The following MAP3K7 variants were observed in gnomAD, a reference collection of about 807,000 sequenced individuals.
MAP3K7 encodes TGF-beta activated kinase 1.
Under a neutral mutation model 84.8 loss-of-function variants are expected in MAP3K7, and 21 were observed. The ratio of observed to expected loss-of-function variants is 0.25; its 90% CI spans 0.18 to 0.36. MAP3K7 has a LOEUF of 0.36. Ranked by LOEUF, MAP3K7 falls within the 10% of genes least tolerant of loss-of-function variation. MAP3K7 has a pLI of 1.00. For missense variants in MAP3K7, 503 were observed against 747.7 expected, an observed-to-expected ratio of 0.67 and a Z score of 3.82; for synonymous variants, 241 against 247.7, an observed-to-expected ratio of 0.97 and a Z score of 0.25.
chr6:90,558,485 T>C (rs1776406740), intron 5 of MAP3K7, among the ~76,000 whole-genome samples: 1 of 152,162 alleles, frequency 6.6e-6, no homozygotes, highest in Non-Finnish European at 1.5e-5. Flanking sequence ...CCAACTTGTA[T>C]ACCAGGGGCT....
At chr6:90,579,431 A>G (rs1777192782) in intron 1 of MAP3K7, among the ~76,000 whole-genome samples, 1 of 152,100 alleles carries the variant, frequency 6.6e-6, no homozygotes, top group Non-Finnish European at 1.5e-5. Flanking sequence ...GCTACTTTCC[A>G]GGGTTCTGTC....
chr6:90,523,821 T>A (rs779909866), intron 13 of MAP3K7, 38 bp from the exon 14 acceptor site: 1 of 1,221,894 alleles, frequency 8.2e-7, no homozygotes, highest in South Asian at 1.2e-5. Context: ...AAATGTGATT[T>A]TTTGATTAAA....
Position 90,547,262 on chromosome 6 carries a change from G to A in MAP3K7, c.1206C>T (p.Thr402=). 6.2e-7 allele frequency: 1 copy of A among 1,613,262 alleles called. No homozygotes were observed. Among genetic ancestry groups the A allele is most frequent in the Non-Finnish European group, 8.5e-7 (1 of 1,179,580 alleles). The change falls in exon 11 of 17, where the codon ACC becomes ACT. Residue 402 remains threonine, a synonymous_variant. Transcript: ENST00000369329. ...MSEIEARIAA[T]TAYSKPKRGH... ...AGACTTGTAGTTCCTTTTTACCTGT[G>A]GTTGCGGCGATCCTAGCTTCTATTT...
At chr6:90,571,932 T>C (rs564683617) in intron 1 of MAP3K7, 125 bp from the exon 2 acceptor site, 20 of 483,578 alleles carry the variant, frequency 4.1e-5, no homozygotes, top group African/African-American at 2.4e-4. Context: ...AAAAAAAACA[T>C]GGAAATCAAC....
chr6:90,528,907 C>T (rs369102312), intron 13 of MAP3K7, among the ~76,000 whole-genome samples: 1 of 152,170 alleles, frequency 6.6e-6, no homozygotes, highest in African/African-American at 2.4e-5. Context: ...CTTTTCTACA[C>T]CATAACCAAT....
chr6:90,519,460 G>A, intron 14 of MAP3K7, 141 bp from the exon 15 acceptor site: 1 of 612,882 alleles, frequency 1.6e-6, no homozygotes, highest in South Asian at 1.9e-5. Flanking sequence ...TAATTGAAGA[G>A]TCTATTTCTG....
intron 13 of MAP3K7, among the ~76,000 whole-genome samples, chr6:90,525,552 G>A (rs1021166618): frequency 7.9e-5 from 12 of 151,198 alleles, no homozygotes; most frequent in Non-Finnish European, 1.5e-4. Context: ...AAGGAAAAAG[G>A]ACATATCCAC....
intron 13 of MAP3K7, among the ~76,000 whole-genome samples, chr6:90,525,450 A>T (rs1775291627): frequency 6.6e-6 from 1 of 152,142 alleles, no homozygotes; most frequent in South Asian, 2.1e-4. Flanking sequence ...CAGTCTCCCT[A>T]AGTGCTGGGA....
intron 1 of MAP3K7, among the ~76,000 whole-genome samples, chr6:90,580,307 C>G (rs1019611673): frequency 1.3e-5 from 2 of 152,148 alleles, no homozygotes; most frequent in African/African-American, 4.8e-5. Flanking sequence ...ATACTGGCAA[C>G]TGAGGTAAAC....
At chr6:90,576,095 G>A (rs1777066194) in intron 1 of MAP3K7, among the ~76,000 whole-genome samples, 1 of 152,084 alleles carries the variant, frequency 6.6e-6, no homozygotes. Flanking sequence ...ACTAGTGGCA[G>A]CTCCAGGCTG....
At chr6:90,576,658 A>G (rs1167379880) in intron 1 of MAP3K7, among the ~76,000 whole-genome samples, 1 of 152,144 alleles carries the variant, frequency 6.6e-6, no homozygotes, top group African/African-American at 2.4e-5. Flanking sequence ...AGACAAATAA[A>G]AAGGAAGGGA....
intron 4 of MAP3K7, 79 bp downstream of exon 4, chr6:90,561,543 T>G: frequency 2.8e-6 from 3 of 1,066,568 alleles, no homozygotes. Flanking sequence ...GTGAAGAATG[T>G]TAAACAACTT....
At chr6:90,548,669 T>A (rs1407935258) in intron 9 of MAP3K7, among the ~76,000 whole-genome samples, 1 of 151,852 alleles carries the variant, frequency 6.6e-6, no homozygotes, top group Non-Finnish European at 1.5e-5. Flanking sequence ...TGCAGACAGA[T>A]AAGTGAAGAA....
At chr6:90,542,476 C>T in intron 12 of MAP3K7, 1 of 985,052 alleles carries the variant, frequency 1.0e-6, no homozygotes, top group Non-Finnish European at 1.2e-6. Flanking sequence ...CCATAAAGGC[C>T]CAATGTCATA....
At chr6:90,568,706 T>C (rs1776799221) in intron 2 of MAP3K7, 83 bp from the exon 3 acceptor site, 1 of 946,232 alleles carries the variant, frequency 1.1e-6, no homozygotes, top group South Asian at 1.6e-5. Flanking sequence ...CTTACTGTTG[T>C]ACAAAACATT....
chr6:90,542,458 A>G, intron 12 of MAP3K7: 3 of 985,188 alleles, frequency 3.0e-6, no homozygotes, highest in Non-Finnish European at 3.6e-6. Context: ...AATTAAGGTT[A>G]CCTGATTCCA....
intron 8 of MAP3K7, 29 bp downstream of exon 8, chr6:90,552,020 T>C: frequency 6.3e-7 from 1 of 1,579,584 alleles, no homozygotes; most frequent in Non-Finnish European, 8.7e-7. Flanking sequence ...TTCCCCTAAA[T>C]CCAAAGCCCC....
At chr6:90,546,438 G>A (rs1455059965) in intron 11 of MAP3K7, among the ~76,000 whole-genome samples, 1 of 152,146 alleles carries the variant, frequency 6.6e-6, no homozygotes, top group Non-Finnish European at 1.5e-5. Context: ...TTATCTCTGA[G>A]TGGGGTAATT....
chr6:90,571,498 G>A (rs903593882), intron 2 of MAP3K7, among the ~76,000 whole-genome samples, 199 bp downstream of exon 2: 5 of 151,950 alleles, frequency 3.3e-5, no homozygotes, highest in African/African-American at 9.7e-5. Context: ...TAGTTAAGTC[G>A]CTTTTCCCCT....
Sources: gnomAD v4.1 joint callset for allele counts (sites outside exome capture counted in the v4.1 genomes callset) on GRCh38, gnomAD v4.1.1 for gene constraint, MANE v1.5 for transcripts, NCBI Gene and HGNC (gene_info 2026-07-23, HGNC 2026-07-21) for gene names.